RYR3: variants seen among roughly 807,000 people sequenced by gnomAD.
RYR3 encodes the protein brain ryanodine receptor-calcium release channel.
A neutral mutation model predicts 584.3 loss-of-function variants in RYR3; 207 were observed. The ratio of observed to expected loss-of-function variants is 0.35; its 90% CI spans 0.32 to 0.40. RYR3 has a LOEUF of 0.40. Ranked by LOEUF, RYR3 falls within the 10% of genes least tolerant of loss-of-function variation. RYR3 has a pLI of 1.00. For missense variants in RYR3, 5,616 were observed against 6,089.2 expected (o/e 0.92, Z 2.59); for synonymous variants, 2,416 against 2,248.5 (o/e 1.07, Z -2.11).
At chr15:33,861,876 C>T (rs1161884259) in intron 102 of RYR3, among the ~76,000 whole-genome samples, 4 of 152,190 alleles carry the variant, frequency 2.6e-5, no homozygotes, top group South Asian at 4.2e-4. Context: ...CTGCCTGCCT[C>T]GGCCTCTCAG....
rs150502862 is a variant in RYR3 at position 33,645,468 on chromosome 15, A to G, written c.3766-883A>G. Reference sequence around the variant, plus strand: ...CAGCAAGCATCAACCTTAATGCCCCACTTTCTTCCTCAGTTAAATAGTAGA... The same window carrying G: ...CAGCAAGCATCAACCTTAATGCCCCGCTTTCTTCCTCAGTTAAATAGTAGA... On this transcript the variant is annotated intron_variant, in intron 28 of 103. Coordinates refer to ENST00000634891, the MANE Select transcript of RYR3 (RefSeq NM_001036.6). Among the ~76,000 whole-genome samples the G allele has an allele frequency of 3.3e-4, 50 of 152,242 alleles. No homozygotes were observed. In the East Asian group the frequency reaches 8.1e-3, roughly 25 times the overall value.
chr15:33,587,329 C>T (rs1386684991), intron 16 of RYR3, among the ~76,000 whole-genome samples: 2 of 152,184 alleles, frequency 1.3e-5, no homozygotes, highest in African/African-American at 4.8e-5. Context: ...CTAGGAGCCA[C>T]GGGCTATGTG....
In RYR3 at chr15:33,342,874, C is replaced by A. The variant is rs141312063; in HGVS notation, c.51+31778C>A. 8.6e-3 allele frequency among the ~76,000 whole-genome samples: 1,311 copies of A among 152,242 alleles called. 24 individuals carry two copies. The highest frequency in any genetic ancestry group is 0.03 in the African/African-American group (1,249 of 41,550). ...TTCGAACTGTGTCCCCTAGATCCTT[C>A]CCAGTGTTGGAGGACAAACAGCGAC... is the stretch of plus-strand genomic sequence containing the variant. On this transcript the variant is annotated intron_variant, in intron 1 of 103. Coordinates refer to ENST00000634891, the MANE Select transcript of RYR3 (RefSeq NM_001036.6).
At chr15:33,719,226 C>T (rs2067719567) in intron 43 of RYR3, among the ~76,000 whole-genome samples, 1 of 152,240 alleles carries the variant, frequency 6.6e-6, no homozygotes, top group Non-Finnish European at 1.5e-5. Context: ...GGGCCGGCTT[C>T]CTGGGTCACT....
intron 2 of RYR3, among the ~76,000 whole-genome samples, chr15:33,481,956 A>C (rs2050010710): frequency 6.6e-6 from 1 of 151,992 alleles, no homozygotes; most frequent in Non-Finnish European, 1.5e-5. Context: ...TTTTGTTTCA[A>C]AATGTCAATA....
chr15:33,731,246 T>C (rs1450346311), intron 47 of RYR3, among the ~76,000 whole-genome samples: 1 of 137,768 alleles, frequency 7.3e-6, no homozygotes, highest in African/African-American at 2.5e-5. Flanking sequence ...TTTGTTATGA[T>C]TTTTTTGTGT....
chr15:33,798,787 A>G (rs1172175170), intron 67 of RYR3, among the ~76,000 whole-genome samples: 1 of 152,206 alleles, frequency 6.6e-6, no homozygotes, highest in African/African-American at 2.4e-5. Flanking sequence ...TGAATCTGAA[A>G]ACGAGAGATT....
intron 42 of RYR3, 89 bp downstream of exon 42, chr15:33,701,169 T>C (rs1596231794): frequency 2.6e-6 from 2 of 768,328 alleles, no homozygotes; most frequent in East Asian, 5.5e-5. Context: ...ATGGAGTCTC[T>C]GTCACTGTAT....
intron 67 of RYR3, among the ~76,000 whole-genome samples, chr15:33,791,891 G>C (rs927236665): frequency 1.2e-4 from 18 of 152,152 alleles, no homozygotes; most frequent in African/African-American, 4.1e-4. Flanking sequence ...AGGATTGTTG[G>C]AGAGTGGGTA....
chr15:33,552,338 A>G (rs1266504024), intron 10 of RYR3, among the ~76,000 whole-genome samples: 3 of 152,156 alleles, frequency 2.0e-5, no homozygotes, highest in Admixed American at 2.0e-4. Context: ...TGGCCTCTGA[A>G]TACATTTCCC....
At chr15:33,539,323 T>A (rs750361941) in intron 5 of RYR3, 27 bp from the exon 6 acceptor site, 1 of 1,443,030 alleles carries the variant, frequency 6.9e-7, no homozygotes, top group Admixed American at 1.9e-5. Context: ...TGTGAAGCAA[T>A]GACTAACTCA....
At chr15:33,628,085 T>C (rs1327990540) in intron 20 of RYR3, among the ~76,000 whole-genome samples, 5 of 152,094 alleles carry the variant, frequency 3.3e-5, no homozygotes, top group African/African-American at 1.2e-4. Context: ...AATGGAAAAA[T>C]CCTGTAGGCA....
chr15:33,482,837 A>G (rs1316100024), intron 2 of RYR3, among the ~76,000 whole-genome samples: 4 of 151,984 alleles, frequency 2.6e-5, no homozygotes, highest in African/African-American at 4.8e-5. Context: ...TTAAGTATAG[A>G]ATTTGGGGGA....
intron 1 of RYR3, among the ~76,000 whole-genome samples, chr15:33,389,916 A>G (rs1408572405): frequency 1.3e-5 from 2 of 152,230 alleles, no homozygotes; most frequent in Non-Finnish European, 2.9e-5. Context: ...TTACATGAGA[A>G]AATAGCATCC....
At chr15:33,821,455 C>G in intron 79 of RYR3, 68 bp from the exon 80 acceptor site, 8 of 1,599,028 alleles carry the variant, frequency 5.0e-6, no homozygotes, top group Non-Finnish European at 6.9e-6. Flanking sequence ...AAGAGCCCTG[C>G]TAAGGCCCAG....
In RYR3 at chr15:33,314,942, C is replaced by CA. The variant is rs1387450242; in HGVS notation, c.51+3855dup. Among the ~76,000 whole-genome samples, 544 of 145,032 alleles carry CA rather than the reference C, an allele frequency of 3.8e-3. 1 individual carries two copies. The highest frequency in any genetic ancestry group is 5.5e-3 in the South Asian group (26 of 4,718). On this transcript the variant is annotated intron_variant, in intron 1 of 103. Transcript: ENST00000634891. ...GAAAACAAACAACAAAAAAAAAAAC[C>CA]AAAAAAAAACAACAACAACAAAAAA...
intron 19 of RYR3, among the ~76,000 whole-genome samples, chr15:33,622,412 C>T (rs537622608): frequency 2.0e-5 from 3 of 152,164 alleles, no homozygotes; most frequent in South Asian, 4.1e-4. Context: ...AGAGTTAGCT[C>T]GCATGTCAGA....
intron 1 of RYR3, among the ~76,000 whole-genome samples, chr15:33,314,901 A>G (rs577148550): frequency 1.9e-4 from 29 of 151,934 alleles, no homozygotes; most frequent in African/African-American, 7.0e-4. Context: ...GCGGCAGAGC[A>G]AGACTCAGTC....
chr15:33,479,950 A>G (rs560305685), intron 2 of RYR3, among the ~76,000 whole-genome samples: 1 of 152,332 alleles, frequency 6.6e-6, no homozygotes, highest in South Asian at 2.1e-4. Context: ...TACAGCTAAT[A>G]TTTTACAATA....
Sources: gnomAD v4.1 joint callset for allele counts (sites outside exome capture counted in the v4.1 genomes callset) on GRCh38, gnomAD v4.1.1 for gene constraint, MANE v1.5 for transcripts, NCBI Gene and HGNC (gene_info 2026-07-23, HGNC 2026-07-21) for gene names.